Variants in PHKA2 observed in about 807,000 individuals in gnomAD.
PHKA2 encodes phosphorylase kinase regulatory subunit alpha 2, also known as phosphorylase b kinase regulatory subunit alpha, liver isoform.
Under a neutral mutation model 102.0 loss-of-function variants are expected in PHKA2, and 31 were observed. The ratio of observed to expected loss-of-function variants is 0.30; its 90% confidence interval spans 0.23 to 0.41. The LOEUF is 0.41. Among genes scored for constraint, PHKA2 ranks in the 10% least tolerant of loss-of-function variants. The pLI is 1.00. For missense variants in PHKA2, 858 were observed against 1,023.1 expected, an observed-to-expected ratio of 0.84 and a Z score of 2.20; for synonymous variants, 455 against 416.2, an observed-to-expected ratio of 1.09 and a Z score of -1.13.
intron 19 of PHKA2, among the ~76,000 whole-genome samples, chrX:18,918,279 G>A (rs751034727): frequency 1.8e-5 from 2 of 112,389 alleles, no homozygotes; most frequent in Non-Finnish European, 3.8e-5. Flanking sequence ...TATAAACAGA[G>A]TATACTATAA....
At chrX:18,921,494 A>C (rs2048121505) in intron 17 of PHKA2, among the ~76,000 whole-genome samples, 1 of 112,346 alleles carries the variant, frequency 8.9e-6, no homozygotes, top group Non-Finnish European at 1.9e-5. Context: ...CAAGAACTTA[A>C]TTATCTTTGC....
At chrX:18,949,922 T>C (rs905049332) in intron 4 of PHKA2, among the ~76,000 whole-genome samples, 1 of 112,644 alleles carries the variant, frequency 8.9e-6, no homozygotes, top group Non-Finnish European at 1.9e-5. Context: ...TTTGAGAGTT[T>C]CACACTTGCA....
chrX:18,944,609 A>G (rs2048548691), intron 6 of PHKA2, among the ~76,000 whole-genome samples: 1 of 111,741 alleles, frequency 8.9e-6, no homozygotes, highest in African/African-American at 3.3e-5. Context: ...GAGTACCTTC[A>G]GGGAAAGTTT....
chrX:18,913,742 T>C (rs1205787722), intron 19 of PHKA2, among the ~76,000 whole-genome samples: 1 of 112,331 alleles, frequency 8.9e-6, no homozygotes, highest in Non-Finnish European at 1.9e-5. Context: ...CTTTGATCTA[T>C]TTTTTAGTTT....
chrX:18,943,841 C>G (rs1480101201), intron 6 of PHKA2, 33 bp from the exon 7 acceptor site: 1 of 977,043 alleles, frequency 1.0e-6, no homozygotes, highest in Non-Finnish European at 1.5e-6. Context: ...CTTTTTCTTT[C>G]TAATAAACAT....
At chrX:18,960,986 G>A (rs1048572802) in intron 1 of PHKA2, among the ~76,000 whole-genome samples, 1 of 112,272 alleles carries the variant, frequency 8.9e-6, no homozygotes, top group Admixed American at 9.4e-5. Context: ...GTTGGGACAA[G>A]TGGACATACA....
intron 3 of PHKA2, among the ~76,000 whole-genome samples, chrX:18,951,497 G>A (rs768581545): frequency 4.2e-4 from 47 of 111,516 alleles, no homozygotes; most frequent in Middle Eastern, 4.6e-3. Flanking sequence ...TCATCTGCAG[G>A]AGTGACGGGT....
rs144843689 is a variant in PHKA2, at chrX:18,923,840, G to A, written c.1793+216C>T. ...CTCCCTATGTCCGAGGCCTCCTGGT[G>A]CCTGTAAAGCTTAAAAGATATCAGC... On this transcript the variant is annotated intron_variant, in intron 17 of 32. Coordinates refer to ENST00000379942, the MANE Select transcript of PHKA2 (RefSeq NM_000292.3). Among the ~76,000 whole-genome samples, 152 of 111,877 alleles carry A rather than the reference G, an allele frequency of 1.4e-3. 1 individual carries two copies. The highest frequency in any genetic ancestry group is 4.6e-3 in the African/African-American group (143 of 30,783).
chrX:18,954,381 T>C lies in PHKA2; in HGVS notation c.110A>G (p.His37Arg). The C allele has an allele frequency of 6.6e-6, 8 of 1,211,914 alleles. No individual in the cohort carries two copies. Among genetic ancestry groups the C allele is most frequent in the Non-Finnish European group, 8.9e-6 (8 of 895,476 alleles). Residue 37 changes from histidine to arginine, a missense_variant, in exon 2 of 33, where the codon CAT becomes CGT. Physicochemically the swap from His to Arg is conservative, Grantham distance 29. Coordinates refer to ENST00000379942, the MANE Select transcript of PHKA2 (RefSeq NM_000292.3). ...CCGCACCCAGGCATCCTTCTGCTCATGGCTGGCTGACAGCAGCCCCGTGAC... is the reference window on the plus strand; with the variant it reads ...CCGCACCCAGGCATCCTTCTGCTCACGGCTGGCTGACAGCAGCCCCGTGAC... ...NPVTGLLSAS[H>R]EQKDAWVRDN...
Position 18,943,778 on chromosome X carries a change from G to C in PHKA2, c.649C>G (p.Leu217Val). Residue 217 changes from leucine (L) to valine (V), a missense_variant, in exon 7 of 33, where the codon CTT (leucine) becomes GTT (valine). Leu to Val is a conservative substitution (Grantham distance 32). This residue lies in a region of PHKA2 where 187 missense variants were observed against 277.9 expected (regional missense o/e 0.67). Coordinates refer to ENST00000379942, the MANE Select transcript of PHKA2 (RefSeq NM_000292.3). ...TTGCGTCCTCCATGGGCTCCAAAAA[G>C]GTCCAGTTCATCAATTGCCTCAAGA... ...AALEAIDELD[L>V]FGAHGGRKSV... 8.3e-7 allele frequency: 1 copy of C among 1,209,974 alleles called. No homozygotes were observed. Among genetic ancestry groups the C allele is most frequent in the Non-Finnish European group, 1.1e-6 (1 of 893,996 alleles).
rs370310260 is a variant in PHKA2, at chrX:18,920,217, C to T, written c.1794-16G>A. ...TAATTTTACTCTGCCAAGAAGACAC[C>T]GTGTTAGGGACACAGGTAGTGTGTG... On this transcript the variant is annotated splice_polypyrimidine_tract_variant and intron_variant, in intron 17 of 32. Coordinates refer to ENST00000379942, the MANE Select transcript of PHKA2 (RefSeq NM_000292.3). 174 of 831,827 alleles carry T rather than the reference C, an allele frequency of 2.1e-4. No individual in the cohort carries two copies. The highest frequency in any genetic ancestry group is 2.8e-4 in the Non-Finnish European group (153 of 550,268). The allele number at this position is 831,827 out of a possible 1,213,427, so 68.6% of individuals were successfully genotyped here.
At chrX:18,979,351 A>G (rs1165430237) in intron 1 of PHKA2, among the ~76,000 whole-genome samples, 10 of 111,937 alleles carry the variant, frequency 8.9e-5, no homozygotes, top group Non-Finnish European at 1.7e-4. Flanking sequence ...AACAGTATTT[A>G]CTGTCCCAGT....
intron 11 of PHKA2, among the ~76,000 whole-genome samples, chrX:18,932,768 G>C (rs754161071): frequency 2.3e-4 from 25 of 110,707 alleles, no homozygotes; most frequent in Non-Finnish European, 4.2e-4. Context: ...AGAATTACTT[G>C]TATGATAATC....
intron 1 of PHKA2, among the ~76,000 whole-genome samples, chrX:18,975,967 C>CTTTTT (rs200764030): frequency 2.2e-4 from 14 of 63,019 alleles, no homozygotes; most frequent in Non-Finnish European, 3.1e-4. Context: ...AAGTCAAATT[C>CTTTTT]TTTTTTTTTT....
At chrX:18,932,569 T>C (rs1451382915) in intron 11 of PHKA2, among the ~76,000 whole-genome samples, 1 of 110,170 alleles carries the variant, frequency 9.1e-6, no homozygotes, top group Non-Finnish European at 1.9e-5. Flanking sequence ...TTTAGTAAAA[T>C]TTAAAATTTT....
Position 18,906,636 on chromosome X carries a change from A to T in PHKA2, c.2677-12T>A. ...TAAACCACAATCTCCTGAGGCAGAC[A>T]CACACGGAGATAGGGTTTCAGAGAC... On this transcript the variant is annotated splice_polypyrimidine_tract_variant and intron_variant, in intron 24 of 32. Transcript: ENST00000379942. The T allele has an allele frequency of 8.4e-7, 1 of 1,195,503 alleles. No individual in the cohort carries two copies. The highest frequency in any genetic ancestry group is 1.1e-6 in the Non-Finnish European group (1 of 880,385).
chrX:18,965,874 G>A (rs1225132759), intron 1 of PHKA2, among the ~76,000 whole-genome samples: 1 of 111,238 alleles, frequency 9.0e-6, no homozygotes, highest in African/African-American at 3.3e-5. Context: ...TAAGTTTAGT[G>A]GAATATTTAA....
intron 1 of PHKA2, among the ~76,000 whole-genome samples, chrX:18,964,086 C>T (rs2048905482): frequency 1.8e-5 from 2 of 111,599 alleles, no homozygotes; most frequent in African/African-American, 6.5e-5. Flanking sequence ...TGATTGCCAT[C>T]CAAGGCTCAT....
At chrX:18,919,923 T>C (rs1433587800) in intron 18 of PHKA2, 109 bp downstream of exon 18, 9 of 628,887 alleles carry the variant, frequency 1.4e-5, no homozygotes, top group Non-Finnish European at 2.3e-5. Context: ...TTTTTCCTTG[T>C]TTTTAATTAT....
Sources: allele counts gnomAD v4.1 joint callset (sites outside exome capture counted in the v4.1 genomes callset), GRCh38; gene constraint gnomAD v4.1.1; regional missense constraint gnomAD v4.1.1; transcripts MANE v1.5; gene names NCBI Gene and HGNC (gene_info 2026-07-23, HGNC 2026-07-21).